The following FBN2 variants were observed in gnomAD, a reference collection of about 807,000 sequenced individuals.
The protein encoded by FBN2 is fibrillin 2.
Under a neutral mutation model 355.6 loss-of-function variants are expected in FBN2, and 105 were observed. That is an observed-to-expected ratio of 0.30 (90% CI 0.25 to 0.35). The LOEUF is 0.35. Among genes scored for constraint, FBN2 ranks in the 10% least tolerant of loss-of-function variants. The pLI is 1.00. For synonymous variants in FBN2, 1,350 were observed against 1,301.2 expected (o/e 1.04, Z -0.81); for missense variants, 3,280 against 3,758.7 (o/e 0.87, Z 3.33).
chr5:128,439,129 T>C (rs1031634308), intron 7 of FBN2, among the ~76,000 whole-genome samples: 2 of 152,208 alleles, frequency 1.3e-5, no homozygotes, highest in Non-Finnish European at 2.9e-5. Flanking sequence ...ATGTTTTTAA[T>C]TGAATCAGTC....
Position 128,289,888 on chromosome 5 carries a change from G to A in FBN2, c.6505C>T (p.Arg2169Cys), listed in dbSNP as rs1450302477. 17 of 1,576,668 alleles carry A rather than the reference G, an allele frequency of 1.1e-5. No homozygotes were observed. The highest frequency in any genetic ancestry group is 1.7e-4 in the Middle Eastern group (1 of 5,996). The change falls in exon 51 of 65, where the codon CGT becomes TGT. Residue 2169 changes from arginine (R) to cysteine (C), a missense_variant. By Grantham distance (180) the Arg-to-Cys change is radical. Transcript: ENST00000262464. ...AAAATATATCAAAGCGTACCTTCAC[G>A]TGTATCATGAAGACTAGGGACAGTT... Reference protein sequence around the residue: ...HGTVPSLHDTREDVNECLESP... With the variant: ...HGTVPSLHDTCEDVNECLESP...
At chr5:128,493,554 T>A (rs891022783) in intron 5 of FBN2, among the ~76,000 whole-genome samples, 1 of 152,136 alleles carries the variant, frequency 6.6e-6, no homozygotes, top group African/African-American at 2.4e-5. Flanking sequence ...TGGGGTATAA[T>A]CCTTCATAAA....
At chr5:128,263,703 G>A (rs1311617363) in intron 62 of FBN2, 47 bp from the exon 63 acceptor site, 2 of 1,411,524 alleles carry the variant, frequency 1.4e-6, no homozygotes, top group African/African-American at 1.4e-5. Flanking sequence ...GCAGGCAAGA[G>A]CAAAAACGTG....
At chr5:128,481,953 G>C (rs906707392) in intron 5 of FBN2, among the ~76,000 whole-genome samples, 1 of 152,082 alleles carries the variant, frequency 6.6e-6, no homozygotes, top group Non-Finnish European at 1.5e-5. Flanking sequence ...CTTATACTGT[G>C]GGTTCCATAT....
chr5:128,292,884 G>A lies in FBN2; in HGVS notation c.6167-1230C>T, dbSNP rs145107064. ...ACCATAATGATCCCTAACCTCCTGC[G>A]GTGCTCCCATCTCCTGAACAGACCT... is the stretch of plus-strand genomic sequence containing the variant. On this transcript the variant is annotated intron_variant, in intron 48 of 64. Coordinates refer to ENST00000262464, the MANE Select transcript of FBN2 (RefSeq NM_001999.4). Among the ~76,000 whole-genome samples the A allele has an allele frequency of 1.6e-3, 251 of 152,158 alleles. 1 individual carries two copies. The highest frequency in any genetic ancestry group is 4.6e-3 in the Admixed American group (71 of 15,290).
chr5:128,486,590 G>A (rs371904139), intron 5 of FBN2, among the ~76,000 whole-genome samples: 1 of 151,924 alleles, frequency 6.6e-6, no homozygotes, highest in African/African-American at 2.4e-5. Context: ...CCCTTACCGA[G>A]TAGACTTCTT....
chr5:128,413,031 G>A (rs919347601), intron 7 of FBN2, among the ~76,000 whole-genome samples: 2 of 152,172 alleles, frequency 1.3e-5, no homozygotes, highest in African/African-American at 4.8e-5. Flanking sequence ...AACAAAGAAT[G>A]GAACACGAAT....
intron 25 of FBN2, among the ~76,000 whole-genome samples, chr5:128,342,869 C>T (rs539921990): frequency 6.6e-6 from 1 of 152,138 alleles, no homozygotes; most frequent in African/African-American, 2.4e-5. Context: ...GCTGGGATTA[C>T]AGGCATGTAC....
At chr5:128,302,329 G>A (rs1442944906) in intron 46 of FBN2, among the ~76,000 whole-genome samples, 2 of 152,168 alleles carry the variant, frequency 1.3e-5, no homozygotes, top group African/African-American at 4.8e-5. Context: ...AGGAATAAAC[G>A]TTTGCTGTCA....
Position 128,338,262 on chromosome 5 carries a change from C to T in FBN2, c.3473-140G>A, listed in dbSNP as rs1422144961. On this transcript the variant is annotated intron_variant, in intron 26 of 64. Coordinates refer to ENST00000262464, the MANE Select transcript of FBN2 (RefSeq NM_001999.4). ...ATGCTTCATAGGAGATGGGATAACGCTTTCCTCACTTTTCCTACGACCAAC... is the reference window on the plus strand; with the variant it reads ...ATGCTTCATAGGAGATGGGATAACGTTTTCCTCACTTTTCCTACGACCAAC... The T allele has an allele frequency of 9.3e-6, 8 of 860,292 alleles. No individual in the cohort carries two copies. The East Asian group carries it at 1.4e-4, about 15-fold the overall frequency. The allele number at this position is 860,292 out of a possible 1,614,324, so 53.3% of individuals were successfully genotyped here. A position where few individuals can be genotyped will look rare whatever the true frequency, so the allele number is the denominator to read the frequency against.
At chr5:128,369,074 G>T in intron 16 of FBN2, 108 bp downstream of exon 16, 1 of 1,145,210 alleles carries the variant, frequency 8.7e-7, no homozygotes, top group Non-Finnish European at 1.3e-6. Flanking sequence ...CTCTTCTTCA[G>T]TTAAAATTAA....
rs751263399 is a variant in FBN2, at chr5:128,361,762, G to A, written c.2515C>T (p.Pro839Ser). The A allele has an allele frequency of 1.2e-6, 2 of 1,614,100 alleles. No homozygotes were observed. Among genetic ancestry groups the A allele is most frequent in the Non-Finnish European group, 1.7e-6 (2 of 1,179,984 alleles). Reference sequence around the variant, plus strand: ...GTCTCAGTCCTGAACACATACCCTGGTGGGCACGTACAGCTGTAACTTCCT... The same window carrying A: ...GTCTCAGTCCTGAACACATACCCTGATGGGCACGTACAGCTGTAACTTCCT... Reference protein sequence around the residue: ...TPGSYSCTCPPGYVFRTETET... With the variant: ...TPGSYSCTCPSGYVFRTETET... The change falls in exon 19 of 65, where the codon CCA becomes TCA. Residue 839 changes from proline (P) to serine (S), a missense_variant. This residue lies in a region of FBN2 where 2,284 missense variants were observed against 2,749.5 expected (regional missense o/e 0.83). Coordinates refer to ENST00000262464, the MANE Select transcript of FBN2 (RefSeq NM_001999.4).
At chr5:128,474,580 T>A (rs1031326914) in intron 5 of FBN2, among the ~76,000 whole-genome samples, 1 of 152,182 alleles carries the variant, frequency 6.6e-6, no homozygotes, top group Non-Finnish European at 1.5e-5. Flanking sequence ...GTGGCTGCCA[T>A]GAAAATGTTA....
chr5:128,444,054 C>CTTTTTTTTTTTT (rs35768962), intron 7 of FBN2, among the ~76,000 whole-genome samples: 12 of 65,624 alleles, frequency 1.8e-4, no homozygotes, highest in African/African-American at 6.2e-5. Flanking sequence ...ATCACTTGTT[C>CTTTTTTTTTTTT]TTTTTTTTTT....
rs141277512 is a variant in FBN2 at position 128,508,013 on chromosome 5, T to C, written c.628+11260A>G. Among the ~76,000 whole-genome samples the C allele has an allele frequency of 1.6e-4, 25 of 152,146 alleles. No homozygotes were observed. In the East Asian group the frequency reaches 4.4e-3, roughly 27 times the overall value. On this transcript the variant is annotated intron_variant, in intron 5 of 64. Coordinates refer to ENST00000262464, the MANE Select transcript of FBN2 (RefSeq NM_001999.4). ...TGATTAACTGACCGCTTTATTATTA[T>C]GAAATGGCCTTCTTTATGCCTGATA...
At chr5:128,262,881 G>T (rs781469476) in intron 63 of FBN2, among the ~76,000 whole-genome samples, 1 of 152,170 alleles carries the variant, frequency 6.6e-6, no homozygotes, top group Non-Finnish European at 1.5e-5. Context: ...GAGACAGTGC[G>T]CCTAGTTGGA....
Position 128,300,420 on chromosome 5 carries a change from C to G in FBN2, c.6166+397G>C, listed in dbSNP as rs78173340. Among the ~76,000 whole-genome samples the G allele has an allele frequency of 1.5e-4, 23 of 152,314 alleles. No homozygotes were observed. The East Asian group carries it at 4.0e-3, about 27-fold the overall frequency. The stretch of plus-strand genomic sequence containing the variant: ...GGCCTTCCCAAGAAAAAGAATGTCT[C>G]AACAGCATTGTCGAGATTTTTCTGC... On this transcript the variant is annotated intron_variant, in intron 48 of 64. Transcript: ENST00000262464.
intron 19 of FBN2, among the ~76,000 whole-genome samples, chr5:128,358,868 T>G (rs2126933539): frequency 6.6e-6 from 1 of 152,136 alleles, no homozygotes; most frequent in African/African-American, 2.4e-5. Context: ...AATTAAGCAA[T>G]TATGAATTCA....
Position 128,312,644 on chromosome 5 carries a change from A to G in FBN2, c.4869T>C (p.Pro1623=). Residue 1623 remains proline, a synonymous_variant, in exon 37 of 65, where the codon CCT becomes CCC. Coordinates refer to ENST00000262464, the MANE Select transcript of FBN2 (RefSeq NM_001999.4). ...CAGCTTTGTACTTACTGCTATTGAC[A>G]GGGGGGCATGTCTCACAGGGGTTTC... The part of the protein sequence containing the change: ...AWGNPCETCP[P]VNSTEYYTLC... 6.2e-7 allele frequency: 1 copy of G among 1,613,972 alleles called. No individual in the cohort carries two copies. The highest frequency in any genetic ancestry group is 8.5e-7 in the Non-Finnish European group (1 of 1,179,986).
Sources: allele counts gnomAD v4.1 joint callset (sites outside exome capture counted in the v4.1 genomes callset), GRCh38; gene constraint gnomAD v4.1.1; regional missense constraint gnomAD v4.1.1; transcripts MANE v1.5; gene names NCBI Gene and HGNC (gene_info 2026-07-23, HGNC 2026-07-21).